Variants in MREG observed in about 807,000 individuals in gnomAD.
The protein encoded by MREG is melanoregulin.
A neutral mutation model predicts 28.5 loss-of-function variants in MREG; 31 were observed. The observed-to-expected ratio is 1.09, with a 90% CI of 0.82 to 1.47. The LOEUF (loss-of-function observed/expected upper bound fraction) is 1.47. Among genes scored for constraint, MREG ranks in the 40% most tolerant of loss-of-function variants. MREG has a pLI of 0.00. For missense variants in MREG, 256 were observed against 257.4 expected, an observed-to-expected ratio of 0.99 and a Z score of 0.04; for synonymous variants, 106 against 95.2, an observed-to-expected ratio of 1.11 and a Z score of -0.66.
chr2:215,957,065 C>A (rs1434491706), intron 2 of MREG, among the ~76,000 whole-genome samples: 1 of 152,094 alleles, frequency 6.6e-6, no homozygotes, highest in East Asian at 1.9e-4. Context: ...GAGCCACCAT[C>A]CACACTGCCT....
intron 1 of MREG, among the ~76,000 whole-genome samples, chr2:215,996,892 T>G (rs543224009): frequency 1.3e-5 from 2 of 152,278 alleles, no homozygotes; most frequent in South Asian, 4.1e-4. Flanking sequence ...GTGATTCTCC[T>G]GCCTCAGCCT....
chr2:216,025,155 A>G (rs942717492), intron 1 of MREG, among the ~76,000 whole-genome samples: 1 of 152,234 alleles, frequency 6.6e-6, no homozygotes, highest in Non-Finnish European at 1.5e-5. Context: ...TGTTTTCTCT[A>G]TGGCAACATA....
chr2:215,975,531 T>C (rs780411444), intron 2 of MREG, among the ~76,000 whole-genome samples: 1 of 152,160 alleles, frequency 6.6e-6, no homozygotes, highest in Non-Finnish European at 1.5e-5. Flanking sequence ...AGGAGCTGTT[T>C]TGATCACAAG....
rs58288878 is a variant in MREG at position 216,005,444 on chromosome 2, CTTTTTTTT to C, written c.95+7781_95+7788del. ...CACGAGTATTCACTTTCTAGTTATT[CTTTTTTTT>C]TTTTTTTTTTTTTTTTTGAGACAGG... On this transcript the variant is annotated intron_variant, in intron 1 of 4. Transcript: ENST00000263268. Among the ~76,000 whole-genome samples the C allele has an allele frequency of 3.0e-4, 26 of 86,330 alleles. 1 individual carries two copies. The highest frequency in any genetic ancestry group is 1.6e-3 in the Admixed American group (9 of 5,520). The allele number at this position is 86,330 out of a possible 152,430, so 56.6% of individuals were successfully genotyped here.
chr2:216,022,603 G>A (rs953560962), intron 1 of MREG, among the ~76,000 whole-genome samples: 4 of 152,110 alleles, frequency 2.6e-5, no homozygotes, highest in African/African-American at 9.7e-5. Context: ...ACACTTTCCA[G>A]ATGCCCAGAA....
At chr2:215,946,584 C>T (rs13021421) in intron 3 of MREG, among the ~76,000 whole-genome samples, 10,789 of 152,206 alleles carry the variant, frequency 0.071, 457 homozygotes, top group Non-Finnish European at 0.1. Context: ...TTCCCAACCT[C>T]GAAGCTTTTC....
intron 1 of MREG, among the ~76,000 whole-genome samples, chr2:216,020,411 G>A (rs1694503137): frequency 6.6e-6 from 1 of 152,184 alleles, no homozygotes; most frequent in Non-Finnish European, 1.5e-5. Flanking sequence ...CGTCTTTCCT[G>A]TTAGTGATCT....
Position 216,029,346 on chromosome 2 carries a change from C to T in MREG, c.-68+3443G>A, listed in dbSNP as rs371469521. The stretch of plus-strand genomic sequence containing the variant: ...TACAAAAATTAGCTGGGCGTGGTGG[C>T]GCGCTTCTGTAGTCCCAGCTACTCA... On this transcript the variant is annotated intron_variant, in intron 1 of 3. Transcript: ENST00000420348. Among the ~76,000 whole-genome samples the T allele has an allele frequency of 3.3e-5, 5 of 152,080 alleles. No homozygotes were observed. In the South Asian group the frequency reaches 1.0e-3, roughly 32 times the overall value.
At chr2:215,974,732 C>T (rs1409782450) in intron 2 of MREG, among the ~76,000 whole-genome samples, 2 of 151,846 alleles carry the variant, frequency 1.3e-5, no homozygotes, top group African/African-American at 4.8e-5. Flanking sequence ...TAAATGCTGA[C>T]CAATGGCTTC....
chr2:215,950,766 T>G (rs557371656), intron 2 of MREG, among the ~76,000 whole-genome samples: 181 of 152,328 alleles, frequency 1.2e-3, no homozygotes, highest in African/African-American at 3.5e-3. Context: ...TGGATTCCTC[T>G]TAAACATGTG....
intron 1 of MREG, among the ~76,000 whole-genome samples, chr2:216,003,241 T>C (rs988044681): frequency 6.6e-6 from 1 of 152,102 alleles, no homozygotes; most frequent in Admixed American, 6.6e-5. Flanking sequence ...TGCCTCAGTG[T>C]GAAGGAAGAA....
rs570798240 is a variant in MREG, at chr2:216,019,298, G to T, written c.-68+13491C>A. 1.6e-4 allele frequency among the ~76,000 whole-genome samples: 24 copies of T among 152,236 alleles called. No individual in the cohort carries two copies. The South Asian group carries it at 5.0e-3, about 32-fold the overall frequency. On this transcript the variant is annotated intron_variant, in intron 1 of 3. Transcript: ENST00000420348. Reference sequence around the variant, plus strand: ...GAGGCAGGAAAAGGGTAATTGTGATGAGAGAGCGAGCTAATCCTGAAAAAA... The same window carrying T: ...GAGGCAGGAAAAGGGTAATTGTGATTAGAGAGCGAGCTAATCCTGAAAAAA...
At chr2:215,966,952 C>T (rs1292553723) in intron 2 of MREG, among the ~76,000 whole-genome samples, 1 of 152,100 alleles carries the variant, frequency 6.6e-6, no homozygotes, top group Non-Finnish European at 1.5e-5. Context: ...TTTTACACCC[C>T]CATAATCTTT....
At position 215,971,139 on chromosome 2, in the gene MREG, G is replaced by A. The variant is rs895403659; in HGVS notation, c.256-24026C>T. ...GGACATCACACACTGGGGCCTGTCA[G>A]GGGATGGGGCGCAAGGAGAGGGAGA... On this transcript the variant is annotated intron_variant, in intron 2 of 4. Coordinates refer to ENST00000263268, the MANE Select transcript of MREG (RefSeq NM_018000.3). Among the ~76,000 whole-genome samples, 3 of 152,136 alleles carry A rather than the reference G, an allele frequency of 2.0e-5. No individual in the cohort carries two copies. The East Asian group carries it at 5.8e-4, about 29-fold the overall frequency.
chr2:215,992,415 G>C (rs1034303158), intron 2 of MREG, among the ~76,000 whole-genome samples: 1 of 151,984 alleles, frequency 6.6e-6, no homozygotes, highest in Non-Finnish European at 1.5e-5. Flanking sequence ...TTGATGGAAC[G>C]TATCTCAAAA....
At chr2:216,001,497 G>A (rs897597823) in intron 1 of MREG, among the ~76,000 whole-genome samples, 1 of 152,188 alleles carries the variant, frequency 6.6e-6, no homozygotes, top group East Asian at 1.9e-4. Flanking sequence ...CCTGCTCGTG[G>A]CTACGAAGCA....
chr2:216,005,986 C>G (rs1253933174), intron 1 of MREG, among the ~76,000 whole-genome samples: 2 of 152,068 alleles, frequency 1.3e-5, no homozygotes, highest in African/African-American at 4.8e-5. Context: ...ATAACTGTCA[C>G]AAAACAAAGA....
At chr2:215,985,341 C>T (rs747875707) in intron 2 of MREG, among the ~76,000 whole-genome samples, 19 of 152,174 alleles carry the variant, frequency 1.2e-4, no homozygotes, top group Non-Finnish European at 2.2e-4. Context: ...AACATTGAGG[C>T]TGTTTACTAC....
At chr2:216,021,578 T>C (rs1694521948) in intron 1 of MREG, among the ~76,000 whole-genome samples, 1 of 152,064 alleles carries the variant, frequency 6.6e-6, no homozygotes, top group African/African-American at 2.4e-5. Flanking sequence ...GGCCCCTCAC[T>C]CCCCTCTCAC....
Sources: allele counts gnomAD v4.1 joint callset (sites outside exome capture counted in the v4.1 genomes callset), GRCh38; gene constraint gnomAD v4.1.1; transcripts MANE v1.5; gene names NCBI Gene and HGNC (gene_info 2026-07-23, HGNC 2026-07-21).